The following CHST11 variants were observed in gnomAD, a reference collection of about 807,000 sequenced individuals.
CHST11 encodes C4S-1.
CHST11 carries 9 observed loss-of-function variants against 30.4 expected under a neutral mutation model. The ratio of observed to expected loss-of-function variants is 0.30; its 90% CI spans 0.18 to 0.52. CHST11 has a LOEUF of 0.52. CHST11 is among the 20% of genes least tolerant of loss of function. The pLI, the probability that CHST11 is intolerant of heterozygous loss-of-function variation, is 0.97. For missense variants in CHST11, 348 were observed against 460.6 expected, an observed-to-expected ratio of 0.76 and a Z score of 2.24; for synonymous variants, 152 against 187.8, an observed-to-expected ratio of 0.81 and a Z score of 1.56.
chr12:104,508,921 C>T (rs548672823), intron 1 of CHST11, among the ~76,000 whole-genome samples: 10 of 151,832 alleles, frequency 6.6e-5, no homozygotes, highest in Middle Eastern at 3.4e-3. Context: ...CCACCACTGC[C>T]GCGCCACCAC....
chr12:104,584,360 G>A lies in CHST11; in HGVS notation c.119-17546G>A, dbSNP rs562424792. ...CAACCTCTGCCTCCCGGGTTCAAGC[G>A]CTTCTTATGCCTCAGCCTCCCCAGT... On this transcript the variant is annotated intron_variant, in intron 1 of 2. Transcript: ENST00000303694. Among the ~76,000 whole-genome samples, 11 of 150,578 alleles carry A rather than the reference G, an allele frequency of 7.3e-5. No homozygotes were observed. The South Asian group carries it at 1.0e-3, about 14-fold the overall frequency.
rs145474466 is a variant in CHST11, at chr12:104,671,131, C to T, written c.204+69140C>T. The stretch of plus-strand genomic sequence containing the variant: ...CTAGTTTTAGCTTTTCTCATTAACA[C>T]GGGGTGGGAGCAGATGACCTTTTCC... On this transcript the variant is annotated intron_variant, in intron 2 of 2. Coordinates refer to ENST00000303694, the MANE Select transcript of CHST11 (RefSeq NM_018413.6). Among the ~76,000 whole-genome samples the T allele has an allele frequency of 4.0e-3, 605 of 152,230 alleles. 2 individuals carry two copies. Among genetic ancestry groups the T allele is most frequent in the African/African-American group, 0.014 (567 of 41,528 alleles).
At chr12:104,573,239 G>T (rs542432192) in intron 1 of CHST11, among the ~76,000 whole-genome samples, 9 of 152,068 alleles carry the variant, frequency 5.9e-5, no homozygotes, top group African/African-American at 1.7e-4. Context: ...AACATTCCAT[G>T]CTCATGGATA....
chr12:104,755,422 T>C (rs183164918), intron 2 of CHST11, among the ~76,000 whole-genome samples: 79 of 152,296 alleles, frequency 5.2e-4, no homozygotes, highest in African/African-American at 1.9e-3. Flanking sequence ...CACTCAGTGT[T>C]GTGGGTGTTC....
chr12:104,476,535 A>G (rs947747754), intron 1 of CHST11, among the ~76,000 whole-genome samples: 2 of 152,010 alleles, frequency 1.3e-5, no homozygotes, highest in Admixed American at 6.6e-5. Flanking sequence ...TTTGTTGAAT[A>G]TTTTTGAGAA....
intron 2 of CHST11, among the ~76,000 whole-genome samples, chr12:104,747,772 CT>C (rs1490370279): frequency 6.6e-6 from 1 of 152,168 alleles, no homozygotes; most frequent in East Asian, 1.9e-4. Context: ...ACCTGTTTCT[CT>C]GGGTCTATTT....
At chr12:104,646,217 C>T (rs902689889) in intron 2 of CHST11, among the ~76,000 whole-genome samples, 11 of 152,148 alleles carry the variant, frequency 7.2e-5, no homozygotes, top group African/African-American at 1.4e-4. Context: ...TTCCATGCCT[C>T]GCTTCCACCC....
intron 1 of CHST11, among the ~76,000 whole-genome samples, chr12:104,564,399 A>G (rs773163199): frequency 6.6e-6 from 1 of 152,246 alleles, no homozygotes; most frequent in East Asian, 1.9e-4. Flanking sequence ...TGGGCAAGTC[A>G]TCTCATCTCT....
intron 2 of CHST11, among the ~76,000 whole-genome samples, chr12:104,693,481 C>T (rs1305547784): frequency 6.6e-6 from 1 of 152,194 alleles, no homozygotes; most frequent in Non-Finnish European, 1.5e-5. Context: ...ATGAGGCTGT[C>T]TCAGGCACAC....
At chr12:104,524,971 G>C (rs2038109848) in intron 1 of CHST11, among the ~76,000 whole-genome samples, 1 of 152,126 alleles carries the variant, frequency 6.6e-6, no homozygotes, top group Admixed American at 6.5e-5. Flanking sequence ...TTCATGATTT[G>C]CATAACTCGG....
intron 2 of CHST11, among the ~76,000 whole-genome samples, chr12:104,647,552 T>A (rs1318079794): frequency 1.3e-5 from 2 of 152,204 alleles, no homozygotes; most frequent in East Asian, 3.8e-4. Flanking sequence ...AAAAACAAGA[T>A]CACATATTCT....
intron 2 of CHST11, among the ~76,000 whole-genome samples, chr12:104,627,018 G>A (rs1321209332): frequency 1.3e-5 from 2 of 151,874 alleles, no homozygotes; most frequent in African/African-American, 2.4e-5. Flanking sequence ...CTCCCCCCAA[G>A]CACTGGCAAC....
At chr12:104,643,058 G>A (rs929158004) in intron 2 of CHST11, among the ~76,000 whole-genome samples, 1 of 152,162 alleles carries the variant, frequency 6.6e-6, no homozygotes, top group Non-Finnish European at 1.5e-5. Flanking sequence ...GCATGGTGGT[G>A]CACACCTGTA....
At chr12:104,689,374 T>C (rs2039877372) in intron 2 of CHST11, among the ~76,000 whole-genome samples, 1 of 152,206 alleles carries the variant, frequency 6.6e-6, no homozygotes, top group East Asian at 1.9e-4. Flanking sequence ...TTCTATCCCA[T>C]AGCAGGCAGA....
rs898715531 is a variant in CHST11, at chr12:104,676,272, G to A, written c.204+74281G>A. On this transcript the variant is annotated intron_variant, in intron 2 of 2. Transcript: ENST00000303694. The surrounding 1 kb of genome is among the most constrained non-coding windows in gnomAD (Gnocchi z 4.4). ...TCCTGGGGCAAGAATCAAGGTGTCCGCAGAAATGAGTTCCTTCCAGAGGTT... is the reference window on the plus strand; with the variant it reads ...TCCTGGGGCAAGAATCAAGGTGTCCACAGAAATGAGTTCCTTCCAGAGGTT... Among the ~76,000 whole-genome samples, 2 of 152,170 alleles carry A rather than the reference G, an allele frequency of 1.3e-5. No individual in the cohort carries two copies. Among genetic ancestry groups the A allele is most frequent in the Non-Finnish European group, 2.9e-5 (2 of 68,034 alleles).
intron 2 of CHST11, among the ~76,000 whole-genome samples, chr12:104,650,901 T>C (rs1027199839): frequency 6.6e-6 from 1 of 152,228 alleles, no homozygotes; most frequent in East Asian, 1.9e-4. Flanking sequence ...TGGATTTGCA[T>C]CCTGCCCTCT....
intron 2 of CHST11, among the ~76,000 whole-genome samples, chr12:104,736,412 T>C (rs1239599103): frequency 6.6e-6 from 1 of 152,164 alleles, no homozygotes; most frequent in Non-Finnish European, 1.5e-5. Context: ...CACAAGCTCA[T>C]ACAGAGAATG....
At chr12:104,663,664 T>A (rs2039617471) in intron 2 of CHST11, among the ~76,000 whole-genome samples, 1 of 152,136 alleles carries the variant, frequency 6.6e-6, no homozygotes. Context: ...TTTAAAAAAA[T>A]CTTACTAGGA....
intron 2 of CHST11, among the ~76,000 whole-genome samples, chr12:104,708,523 T>C (rs962663724): frequency 1.3e-5 from 2 of 152,134 alleles, no homozygotes; most frequent in Non-Finnish European, 2.9e-5. Flanking sequence ...CAAGGCTCTG[T>C]ATGAGGAGTG....
Sources: gnomAD v4.1 joint callset for allele counts (sites outside exome capture counted in the v4.1 genomes callset) on GRCh38, gnomAD v4.1.1 for gene constraint, Gnocchi (gnomAD v3.1) non-coding constraint, MANE v1.5 for transcripts, NCBI Gene and HGNC (gene_info 2026-07-23, HGNC 2026-07-21) for gene names.